FIGN: variants seen among roughly 807,000 people sequenced by gnomAD.
The protein encoded by FIGN is fidgetin.
Under a neutral mutation model 51.3 loss-of-function variants are expected in FIGN, and 11 were observed. The ratio of observed to expected loss-of-function variants is 0.21; its 90% CI spans 0.13 to 0.35. FIGN has a LOEUF of 0.35. Among genes scored for constraint, FIGN ranks in the 10% least tolerant of loss-of-function variants. FIGN has a pLI of 1.00. For synonymous variants in FIGN, 407 were observed against 363.2 expected (o/e 1.12, Z -1.37); for missense variants, 857 against 943.6 (o/e 0.91, Z 1.20).
At chr2:163,714,536 A>G (rs1378957582) in intron 2 of FIGN, among the ~76,000 whole-genome samples, 2 of 152,208 alleles carry the variant, frequency 1.3e-5, no homozygotes, top group African/African-American at 4.8e-5. Context: ...GTAAATGCAA[A>G]GTACTAATTA....
intron 2 of FIGN, among the ~76,000 whole-genome samples, chr2:163,699,837 T>C (rs1486223444): frequency 4.6e-5 from 7 of 152,142 alleles, no homozygotes; most frequent in Admixed American, 1.3e-4. Flanking sequence ...GGAGGCTGAA[T>C]GAAAAAATAG....
At chr2:163,621,374 A>G (rs1682969705) in intron 2 of FIGN, among the ~76,000 whole-genome samples, 2 of 152,224 alleles carry the variant, frequency 1.3e-5, no homozygotes, top group South Asian at 4.1e-4. Flanking sequence ...GCTGGGTGAC[A>G]TAGTGCATTA....
intron 2 of FIGN, among the ~76,000 whole-genome samples, chr2:163,655,221 A>G (rs925476065): frequency 1.3e-5 from 2 of 152,200 alleles, no homozygotes; most frequent in Admixed American, 6.5e-5. Flanking sequence ...GAAGCAGTTC[A>G]TATGCCAAAT....
intron 2 of FIGN, among the ~76,000 whole-genome samples, chr2:163,668,727 T>A (rs921774295): frequency 6.6e-6 from 1 of 151,826 alleles, no homozygotes; most frequent in Non-Finnish European, 1.5e-5. Context: ...GATCACGAGG[T>A]CAGGAGATTG....
At position 163,610,229 on chromosome 2, in the gene FIGN, A is replaced by C. The variant is rs1478173225; in HGVS notation, c.1603T>G (p.Leu535Val). ...AGCTGACTAGCGATGCATCTGCCCA[A>C]TAATGTTTTGCCTGTCCCCCGAGGT... ...FGPRGTGKTL[L>V]GRCIASQLGA... Residue 535 changes from leucine to valine, a missense_variant, in exon 3 of 3, where the codon TTG (leucine) becomes GTG (valine). By Grantham distance (32) the Leu-to-Val change is conservative (BLOSUM62 1). Coordinates refer to ENST00000333129, the MANE Select transcript of FIGN (RefSeq NM_018086.4). The C allele has an allele frequency of 6.2e-7, 1 of 1,614,112 alleles. No homozygotes were observed. The highest frequency in any genetic ancestry group is 1.1e-5 in the South Asian group (1 of 91,084).
At chr2:163,698,523 G>C (rs1684358456) in intron 2 of FIGN, among the ~76,000 whole-genome samples, 1 of 152,024 alleles carries the variant, frequency 6.6e-6, no homozygotes, top group Non-Finnish European at 1.5e-5. Flanking sequence ...ACAAAACAAG[G>C]ATGAAGGGAG....
At chr2:163,686,886 C>T (rs1684159354) in intron 2 of FIGN, among the ~76,000 whole-genome samples, 2 of 151,218 alleles carry the variant, frequency 1.3e-5, no homozygotes, top group Non-Finnish European at 2.9e-5. Context: ...ACTTTCCAAG[C>T]AGGAGGCCAA....
chr2:163,658,410 G>A (rs201212927), intron 2 of FIGN, among the ~76,000 whole-genome samples: 59 of 111,530 alleles, frequency 5.3e-4, no homozygotes, highest in Middle Eastern at 5.6e-3. Context: ...TCTCTCTCTC[G>A]GTCTTAGTCT....
intron 2 of FIGN, among the ~76,000 whole-genome samples, chr2:163,719,667 A>C (rs1032638374): frequency 6.6e-6 from 1 of 152,132 alleles, no homozygotes; most frequent in Admixed American, 6.5e-5. Flanking sequence ...TAAGAAGAAG[A>C]AAACCTGTGG....
At chr2:163,646,862 T>C (rs1302706749) in intron 2 of FIGN, among the ~76,000 whole-genome samples, 1 of 152,226 alleles carries the variant, frequency 6.6e-6, no homozygotes, top group Non-Finnish European at 1.5e-5. Context: ...ATAGGCTTGG[T>C]GACACAATAG....
chr2:163,609,762 T>C lies in FIGN; in HGVS notation c.2070A>G (p.Gly690=), dbSNP rs1372338939. The C allele has an allele frequency of 1.2e-6, 2 of 1,614,138 alleles. No individual in the cohort carries two copies. Among genetic ancestry groups the C allele is most frequent in the Non-Finnish European group, 8.5e-7 (1 of 1,180,016 alleles). Residue 690 remains glycine, a synonymous_variant, in exon 3 of 3, where the codon GGA becomes GGG. Coordinates refer to ENST00000333129, the MANE Select transcript of FIGN (RefSeq NM_018086.4). ...LLVQRTEGFS[G]LDVAHLCQEA... Reference sequence around the variant, plus strand: ...CCTGACACAAATGAGCCACATCTAGTCCAGAAAAGCCTTCTGTGCGCTGGA... The same window carrying C: ...CCTGACACAAATGAGCCACATCTAGCCCAGAAAAGCCTTCTGTGCGCTGGA...
chr2:163,660,880 T>TATATATA (rs1491524841), intron 2 of FIGN, among the ~76,000 whole-genome samples: 2 of 982 alleles, frequency 2.0e-3, no homozygotes, highest in Non-Finnish European at 8.5e-3. Flanking sequence ...TATATATATA[T>TATATATA]TTTTTTTTTT....
At chr2:163,691,515 C>G (rs1245379715) in intron 2 of FIGN, among the ~76,000 whole-genome samples, 1 of 152,070 alleles carries the variant, frequency 6.6e-6, no homozygotes, top group Non-Finnish European at 1.5e-5. Flanking sequence ...TCATACTCTG[C>G]TACTTGATGT....
At chr2:163,726,850 T>C (rs1684845624) in intron 2 of FIGN, among the ~76,000 whole-genome samples, 1 of 152,130 alleles carries the variant, frequency 6.6e-6, no homozygotes, top group African/African-American at 2.4e-5. Flanking sequence ...TTCATCCATA[T>C]ACTTTAATTG....
chr2:163,729,379 T>C (rs1468237671), intron 2 of FIGN, among the ~76,000 whole-genome samples: 3 of 151,734 alleles, frequency 2.0e-5, no homozygotes, highest in Non-Finnish European at 4.4e-5. Context: ...AGAAAGAGAG[T>C]AAAGGTATTT....
intron 2 of FIGN, among the ~76,000 whole-genome samples, chr2:163,673,981 A>T (rs1485955909): frequency 6.6e-6 from 1 of 152,234 alleles, no homozygotes; most frequent in East Asian, 1.9e-4. Flanking sequence ...TCTGTTACAT[A>T]GCTAACATTT....
intron 2 of FIGN, among the ~76,000 whole-genome samples, chr2:163,662,359 G>C (rs1486152715): frequency 6.6e-6 from 1 of 152,182 alleles, no homozygotes; most frequent in African/African-American, 2.4e-5. Flanking sequence ...CTTGGCTGCT[G>C]TTAAAAGAAT....
intron 2 of FIGN, among the ~76,000 whole-genome samples, chr2:163,668,020 C>A (rs1451690024): frequency 3.3e-5 from 5 of 149,434 alleles, no homozygotes; most frequent in East Asian, 4.1e-4. Context: ...TCCAACCCCC[C>A]CCCCCAAAAA....
intron 2 of FIGN, among the ~76,000 whole-genome samples, chr2:163,660,613 T>A (rs1334773122): frequency 2.0e-5 from 3 of 148,024 alleles, no homozygotes; most frequent in Non-Finnish European, 4.5e-5. Flanking sequence ...CAGACTTGAC[T>A]GAGATTTTGT....
Sources: allele counts gnomAD v4.1 joint callset (sites outside exome capture counted in the v4.1 genomes callset), GRCh38; gene constraint gnomAD v4.1.1; transcripts MANE v1.5; gene names NCBI Gene and HGNC (gene_info 2026-07-23, HGNC 2026-07-21).